Variants in KYAT1 observed in about 807,000 individuals in gnomAD.
KYAT1 encodes kynurenine aminotransferase 1, also known as kynurenine--oxoglutarate transaminase 1.
KYAT1 carries 47 observed loss-of-function variants against 52.4 expected under a neutral mutation model. The observed-to-expected ratio is 0.90, with a 90% confidence interval of 0.71 to 1.14. KYAT1 has a LOEUF of 1.14. Ranked by LOEUF, KYAT1 falls within the 50% of genes most tolerant of loss-of-function variation. KYAT1 has a pLI of 0.00. For missense variants in KYAT1, 480 were observed against 557.9 expected, an observed-to-expected ratio of 0.86 and a Z score of 1.41; for synonymous variants, 212 against 209.6, an observed-to-expected ratio of 1.01 and a Z score of -0.10.
intron 1 of KYAT1, among the ~76,000 whole-genome samples, chr9:128,853,824 C>G (rs980760644): frequency 6.6e-6 from 1 of 152,168 alleles, no homozygotes; most frequent in African/African-American, 2.4e-5. Context: ...GTGTCAAGTC[C>G]TACATGTGCC....
At chr9:128,880,686 C>T (rs923132732) in intron 1 of KYAT1, among the ~76,000 whole-genome samples, 2 of 152,102 alleles carry the variant, frequency 1.3e-5, no homozygotes, top group Non-Finnish European at 2.9e-5. Flanking sequence ...TCGTGATCCG[C>T]CCGCCTCAGC....
intron 3 of KYAT1, chr9:128,840,618 A>G (rs1306634941): frequency 3.0e-6 from 1 of 330,256 alleles, no homozygotes; most frequent in African/African-American, 2.3e-5. Context: ...TACCCAAATG[A>G]TTTTTTTTTT....
intron 11 of KYAT1, 60 bp from the exon 12 acceptor site, chr9:128,833,886 G>A (rs1356899730): frequency 2.4e-5 from 34 of 1,407,934 alleles, no homozygotes; most frequent in Middle Eastern, 2.0e-4. Context: ...CCTTGGCTCC[G>A]GAGGGGACAG....
chr9:128,865,042 C>G (rs1029012412), intron 1 of KYAT1, among the ~76,000 whole-genome samples: 2 of 150,724 alleles, frequency 1.3e-5, no homozygotes, highest in African/African-American at 4.9e-5. Context: ...GCCTGGGCAA[C>G]GTAGTGAGAC....
chr9:128,865,359 A>T (rs1424867110), intron 1 of KYAT1, among the ~76,000 whole-genome samples: 18,553 of 27,102 alleles, frequency 0.68, 5,656 homozygotes, highest in East Asian at 0.76. Flanking sequence ...ATATATATAT[A>T]TTTTTTTTTT....
At chr9:128,835,716 G>A (rs374471786) in intron 9 of KYAT1, 49 bp from the exon 10 acceptor site, 20 of 1,603,936 alleles carry the variant, frequency 1.2e-5, no homozygotes, top group Middle Eastern at 3.3e-4. Context: ...TCCCTGACGC[G>A]GGGGCCAGCC....
intron 1 of KYAT1, among the ~76,000 whole-genome samples, chr9:128,845,762 A>C (rs2119169580): frequency 6.6e-6 from 1 of 152,352 alleles, no homozygotes; most frequent in South Asian, 2.1e-4. Flanking sequence ...TGAGGGTTAA[A>C]GAAGAGGAGC....
In KYAT1 at chr9:128,869,756, C is replaced by CT. The variant is rs898055948; in HGVS notation, c.-7+12140dup. Among the ~76,000 whole-genome samples, 648 of 141,934 alleles carry CT rather than the reference C, an allele frequency of 4.6e-3. 2 individuals carry two copies. Among genetic ancestry groups the CT allele is most frequent in the African/African-American group, 0.011 (447 of 38,930 alleles). The allele number at this position is 141,934 out of a possible 152,430, so 93.1% of individuals were successfully genotyped here. ...GCCTGATCACATTCTTGATAATGTA[C>CT]TTTTTTTTTTTTTTTGAGACAGAGT... On this transcript the variant is annotated intron_variant, in intron 1 of 12. Transcript: ENST00000302586.
intron 1 of KYAT1, among the ~76,000 whole-genome samples, chr9:128,858,258 G>A (rs1341066973): frequency 4.6e-5 from 7 of 151,692 alleles, no homozygotes; most frequent in African/African-American, 1.2e-4. Flanking sequence ...TTAGCTGGGC[G>A]AAGTCACATG....
At chr9:128,870,013 C>G (rs1452621679) in intron 1 of KYAT1, among the ~76,000 whole-genome samples, 1 of 152,122 alleles carries the variant, frequency 6.6e-6, no homozygotes, top group East Asian at 1.9e-4. Context: ...CTCAGCCTCC[C>G]AAAGTGCTGC....
At position 128,835,635 on chromosome 9, in the gene KYAT1, C is replaced by A; in HGVS notation, c.888G>T (p.Gln296His). The A allele has an allele frequency of 6.2e-7, 1 of 1,611,278 alleles. No homozygotes were observed. The highest frequency in any genetic ancestry group is 8.5e-7 in the Non-Finnish European group (1 of 1,179,908). ...AGCTGCTGGGTTGGCGGAAGAGCAGCTGCTCCCGTTCAAAGCTCTCGGCTA... is the reference window on the plus strand; with the variant it reads ...AGCTGCTGGGTTGGCGGAAGAGCAGATGCTCCCGTTCAAAGCTCTCGGCTA... ...AAVAESFEREQLLFRQPSSYF... is the reference protein window; with the variant it reads ...AAVAESFEREHLLFRQPSSYF... The change falls in exon 10 of 13, where the codon CAG becomes CAT. Residue 296 changes from glutamine to histidine, a missense_variant. Physicochemically the swap from Gln to His is conservative, Grantham distance 24 (BLOSUM62 0). Transcript: ENST00000302586.
At chr9:128,835,221 G>T in intron 11 of KYAT1, 102 bp downstream of exon 11, 3 of 910,866 alleles carry the variant, frequency 3.3e-6, no homozygotes, top group Non-Finnish European at 5.5e-6. Flanking sequence ...TGACGGCAGA[G>T]GCTGGACTAA....
intron 2 of KYAT1, among the ~76,000 whole-genome samples, chr9:128,843,527 C>A (rs971235737): frequency 3.9e-5 from 6 of 151,966 alleles, no homozygotes; most frequent in Non-Finnish European, 7.4e-5. Context: ...TACAGGCACC[C>A]GCCACCACGC....
chr9:128,850,967 T>A (rs1031609877), intron 1 of KYAT1, among the ~76,000 whole-genome samples: 4 of 152,178 alleles, frequency 2.6e-5, no homozygotes, highest in Non-Finnish European at 4.4e-5. Flanking sequence ...TATGACAGAT[T>A]CTTTTGCTCA....
chr9:128,871,390 A>AT (rs907695903), intron 1 of KYAT1, among the ~76,000 whole-genome samples: 7 of 151,942 alleles, frequency 4.6e-5, no homozygotes, highest in African/African-American at 7.3e-5. Flanking sequence ...CTCTATTTGC[A>AT]TTTTTTTTAA....
intron 1 of KYAT1, chr9:128,846,798 G>T (rs1833175427): frequency 1.3e-6 from 2 of 1,535,502 alleles, no homozygotes; most frequent in African/African-American, 2.7e-5. Context: ...CTGTGGGTTT[G>T]CCAGTCCCAG....
At chr9:128,845,507 C>T (rs563286924) in intron 1 of KYAT1, 96 bp from the exon 2 acceptor site, 11 of 1,165,400 alleles carry the variant, frequency 9.4e-6, no homozygotes, top group African/African-American at 4.5e-5. Flanking sequence ...CAGGCCACAG[C>T]GCCATCCTGT....
At chr9:128,865,388 G>GTTTTTTTT (rs1836229927) in intron 1 of KYAT1, among the ~76,000 whole-genome samples, 1 of 69,304 alleles carries the variant, frequency 1.4e-5, no homozygotes, top group Non-Finnish European at 2.4e-5. Flanking sequence ...TTGAGACAGA[G>GTTTTTTTT]TTTCGCTCTT....
At chr9:128,855,107 G>A (rs919036481) in intron 1 of KYAT1, among the ~76,000 whole-genome samples, 1 of 152,146 alleles carries the variant, frequency 6.6e-6, no homozygotes. Context: ...AGACCCAGAA[G>A]TCTTAGTTTG....
Sources: allele counts gnomAD v4.1 joint callset (sites outside exome capture counted in the v4.1 genomes callset), GRCh38; gene constraint gnomAD v4.1.1; transcripts MANE v1.5; gene names NCBI Gene and HGNC (gene_info 2026-07-23, HGNC 2026-07-21).